The following RNF34 variants were observed in gnomAD, a reference collection of about 807,000 sequenced individuals.
The protein encoded by RNF34 is ring finger protein 34, also known as E3 ubiquitin-protein ligase RNF34.
Under a neutral mutation model 37.9 loss-of-function variants are expected in RNF34, and 12 were observed. The observed-to-expected ratio is 0.32, with a 90% CI of 0.20 to 0.51. The LOEUF is 0.51. Among genes scored for constraint, RNF34 ranks in the 20% least tolerant of loss-of-function variants. The pLI, the probability that RNF34 is intolerant of heterozygous loss-of-function variation, is 0.97. For missense variants in RNF34, 362 were observed against 472.7 expected, an observed-to-expected ratio of 0.77 and a Z score of 2.17; for synonymous variants, 155 against 177.2, an observed-to-expected ratio of 0.87 and a Z score of 1.00.
At chr12:121,422,163 C>T (rs1872228137) in intron 5 of RNF34, among the ~76,000 whole-genome samples, 1 of 152,216 alleles carries the variant, frequency 6.6e-6, no homozygotes, top group African/African-American at 2.4e-5. Context: ...TAGGATATAA[C>T]ATGGTTGTTA....
chr12:121,408,266 C>A (rs1870738754), intron 1 of RNF34, among the ~76,000 whole-genome samples: 1 of 152,022 alleles, frequency 6.6e-6, no homozygotes, highest in South Asian at 2.1e-4. Context: ...CATGGTGAAA[C>A]CCCGTCTCTA....
chr12:121,423,289 G>A lies in RNF34; in HGVS notation c.929-97G>A. 2 of 890,762 alleles carry A rather than the reference G, an allele frequency of 2.2e-6. No homozygotes were observed. The highest frequency in any genetic ancestry group is 3.4e-6 in the Non-Finnish European group (2 of 581,134). The allele number at this position is 890,762 out of a possible 1,614,324, so 55.2% of individuals were successfully genotyped here. A position where few individuals can be genotyped will look rare whatever the true frequency, so the allele number is the denominator to read the frequency against. On this transcript the variant is annotated intron_variant, in intron 5 of 5. Transcript: ENST00000361234. The surrounding 1 kb of genome is among the most constrained non-coding windows in gnomAD (Gnocchi z 4.3). ...CTGGGGTGGCATTGGGCCTGCAGGGGTCATTCAGCAGGTGGCTGCTCAGCT... is the reference window on the plus strand; with the variant it reads ...CTGGGGTGGCATTGGGCCTGCAGGGATCATTCAGCAGGTGGCTGCTCAGCT...
In RNF34 at chr12:121,417,752, C is replaced by T; in HGVS notation, c.474C>T (p.Asp158=). The T allele has an allele frequency of 1.2e-6, 2 of 1,614,128 alleles. No individual in the cohort carries two copies. The highest frequency in any genetic ancestry group is 4.5e-5 in the East Asian group (2 of 44,880). Reference sequence around the variant, plus strand: ...ATCATGGACTAGGCTCTGAGGACGACATGGACACAAGCAGTCTGAATTCTT... The same window carrying T: ...ATCATGGACTAGGCTCTGAGGACGATATGGACACAAGCAGTCTGAATTCTT... ...LCHHGLGSED[D]MDTSSLNSSR... is the part of the protein sequence containing the mutation. The change falls in exon 3 of 6, where the codon GAC becomes GAT. Residue 158 remains aspartate, a synonymous_variant. Transcript: ENST00000361234. This position sits in a 1 kb window ranked among gnomAD's most constrained non-coding sequence, Gnocchi z 5.0.
rs781865188 is a variant in RNF34, at chr12:121,417,581, T to C, written c.303T>C (p.Thr101=). Residue 101 remains threonine (T), a synonymous_variant, in exon 3 of 6, where the codon ACT becomes ACC. Coordinates refer to ENST00000361234, the MANE Select transcript of RNF34 (RefSeq NM_025126.4). This position sits in a 1 kb window ranked among gnomAD's most constrained non-coding sequence, Gnocchi z 5.0. ...AAGAAAATCTCCGTAGATGTTCTAC[T>C]TGTCACTTATTACAAGAGACAGCAT... ...VLQENLRRCS[T]CHLLQETAFQ... 6.2e-7 allele frequency: 1 copy of C among 1,613,984 alleles called. No homozygotes were observed.
rs782452243 is a variant in RNF34, at chr12:121,416,368, T to G, written c.216T>G (p.Phe72Leu). The G allele has an allele frequency of 3.1e-6, 5 of 1,609,612 alleles. No homozygotes were observed. The South Asian group carries it at 5.5e-5, about 18-fold the overall frequency. ...CCTGTGGGCTTTCATTTTCAGTCTT[T>G]AGAAAGAAGGTGAGTTGGATGAAAT... is the stretch of plus-strand genomic sequence containing the variant. ...CKACGLSFSV[F>L]RKKHVCCDCK... is the part of the protein sequence containing the mutation. The change falls in exon 2 of 6, where the codon TTT (phenylalanine) becomes TTG (leucine). Residue 72 changes from phenylalanine (F) to leucine (L), a missense_variant. Coordinates refer to ENST00000361234, the MANE Select transcript of RNF34 (RefSeq NM_025126.4).
At chr12:121,402,799 A>G (rs782303635) in intron 1 of RNF34, 2 of 1,602,908 alleles carry the variant, frequency 1.2e-6, no homozygotes, top group Non-Finnish European at 1.7e-6. Flanking sequence ...AAACCCAAGC[A>G]TGAGGAAGGT....
intron 1 of RNF34, among the ~76,000 whole-genome samples, chr12:121,406,283 A>AGTT (rs79540358): frequency 1.1e-4 from 17 of 150,606 alleles, no homozygotes; most frequent in African/African-American, 2.9e-4. Context: ...GGAATGTGTA[A>AGTT]GTTGTTGTTG....
In RNF34 at chr12:121,420,630, C is replaced by G. The variant is rs1555283175; in HGVS notation, c.780C>G (p.Ser260Arg). The stretch of plus-strand genomic sequence containing the variant: ...GAGCTTCACTGTCTGACTTGTCAAG[C>G]CTTGATGATGTGGAAGGAATGAGCG... ...RVRASLSDLSSLDDVEGMSVR... is the reference protein window; with the variant it reads ...RVRASLSDLSRLDDVEGMSVR... The change falls in exon 5 of 6, where the codon AGC becomes AGG. Residue 260 changes from serine to arginine, a missense_variant. Ser to Arg is a moderately radical substitution (Grantham distance 110). Coordinates refer to ENST00000361234, the MANE Select transcript of RNF34 (RefSeq NM_025126.4). 1 of 1,614,104 alleles carries G rather than the reference C, an allele frequency of 6.2e-7. No individual in the cohort carries two copies. The highest frequency in any genetic ancestry group is 8.5e-7 in the Non-Finnish European group (1 of 1,180,024).
At chr12:121,414,137 GACAA>G (rs1208853724) in intron 1 of RNF34, among the ~76,000 whole-genome samples, 1 of 152,158 alleles carries the variant, frequency 6.6e-6, no homozygotes. Flanking sequence ...GAGCTTGCTG[GACAA>G]ACAGTCCAGC....
chr12:121,417,735 C>A lies in RNF34; in HGVS notation c.457C>A (p.Leu153Ile). ...GGATCTAGTACTGTGCCATCATGGA[C>A]TAGGCTCTGAGGACGACATGGACAC... ...LVDLVLCHHG[L>I]GSEDDMDTSS... Residue 153 changes from leucine to isoleucine, a missense_variant, in exon 3 of 6, where the codon CTA (leucine) becomes ATA (isoleucine). By Grantham distance (5) the Leu-to-Ile change is conservative. Transcript: ENST00000361234. This position sits in a 1 kb window ranked among gnomAD's most constrained non-coding sequence, Gnocchi z 5.0. The A allele has an allele frequency of 1.2e-6, 2 of 1,614,142 alleles. No individual in the cohort carries two copies. Among genetic ancestry groups the A allele is most frequent in the Non-Finnish European group, 1.7e-6 (2 of 1,180,034 alleles).
At chr12:121,404,019 C>CTT (rs1283817623) in intron 1 of RNF34, among the ~76,000 whole-genome samples, 12 of 141,710 alleles carry the variant, frequency 8.5e-5, no homozygotes, top group Admixed American at 6.4e-4. Context: ...TTTTCTGTTT[C>CTT]TTTTTTTTTT....
rs566276345 is a variant in RNF34, at chr12:121,405,983, C to T, written c.6+5765C>T. ...TAATTTTTTGTATTTTTAGTAGAGACGGGGTTTCACCATGTTAGCCAGGAT... is the reference window on the plus strand; with the variant it reads ...TAATTTTTTGTATTTTTAGTAGAGATGGGGTTTCACCATGTTAGCCAGGAT... On this transcript the variant is annotated intron_variant, in intron 1 of 5. Transcript: ENST00000361234. Among the ~76,000 whole-genome samples the T allele has an allele frequency of 3.2e-4, 48 of 151,604 alleles. 1 individual carries two copies. The highest frequency in any genetic ancestry group is 1.0e-3 in the African/African-American group (42 of 41,320).
In RNF34 at chr12:121,416,393, T is replaced by C. The variant is rs1871577088; in HGVS notation, c.225+16T>C. ...TAGAAAGAAGGTGAGTTGGATGAAA[T>C]GTTACATAACAACACACATGGGTCA... On this transcript the variant is annotated intron_variant, in intron 2 of 5. Coordinates refer to ENST00000361234, the MANE Select transcript of RNF34 (RefSeq NM_025126.4). 2 of 1,532,996 alleles carry C rather than the reference T, an allele frequency of 1.3e-6. No homozygotes were observed. Among genetic ancestry groups the C allele is most frequent in the South Asian group, 2.2e-5 (2 of 89,350 alleles). The allele number at this position is 1,532,996 out of a possible 1,614,324, so 95.0% of individuals were successfully genotyped here.
At chr12:121,401,051 TG>T (rs1869941810) in intron 1 of RNF34, among the ~76,000 whole-genome samples, 2 of 151,790 alleles carry the variant, frequency 1.3e-5, no homozygotes, top group Admixed American at 6.6e-5. Flanking sequence ...CAGACCTAGA[TG>T]GTTTCGTTAA....
intron 1 of RNF34, 39 bp from the exon 2 acceptor site, chr12:121,416,120 C>T: frequency 2.6e-6 from 4 of 1,556,138 alleles, no homozygotes; most frequent in Non-Finnish European, 3.5e-6. Flanking sequence ...GCCCAGATTC[C>T]ACTTAGCTTT....
In RNF34 at chr12:121,417,834, C is replaced by T. The variant is rs1555282512; in HGVS notation, c.556C>T (p.Pro186Ser). The change falls in exon 3 of 6, where the codon CCC becomes TCC. Residue 186 changes from proline (P) to serine (S), a missense_variant. Pro to Ser is a moderately conservative substitution (Grantham distance 74, BLOSUM62 -1). Transcript: ENST00000361234. The surrounding 1 kb of genome is among the most constrained non-coding windows in gnomAD (Gnocchi z 5.0). ...TRSFFSNYTA[P>S]SATMSSFQGE... ...TTCGTTTTTTTCAAACTATACAGCC[C>T]CCTCTGCTACTATGTCTTCGTTTCA... The T allele has an allele frequency of 6.2e-7, 1 of 1,614,112 alleles. No individual in the cohort carries two copies. Among genetic ancestry groups the T allele is most frequent in the Non-Finnish European group, 8.5e-7 (1 of 1,180,016 alleles).
At chr12:121,412,943 T>C (rs1369428638) in intron 1 of RNF34, among the ~76,000 whole-genome samples, 1 of 151,682 alleles carries the variant, frequency 6.6e-6, no homozygotes, top group African/African-American at 2.4e-5. Context: ...TCTCGAACTC[T>C]TGACCTCATG....
intron 1 of RNF34, among the ~76,000 whole-genome samples, chr12:121,401,602 T>TC (rs1294176439): frequency 3.3e-5 from 5 of 152,272 alleles, no homozygotes; most frequent in East Asian, 3.9e-4. Context: ...TGTGTTAAGA[T>TC]CCAAAAACAA....
chr12:121,406,866 G>T (rs1359745587), intron 1 of RNF34, among the ~76,000 whole-genome samples: 4 of 152,050 alleles, frequency 2.6e-5, no homozygotes, highest in African/African-American at 9.7e-5. Context: ...CTACATTCAT[G>T]GTCAAGAGAG....
Sources: allele counts gnomAD v4.1 joint callset (sites outside exome capture counted in the v4.1 genomes callset), GRCh38; gene constraint gnomAD v4.1.1; non-coding constraint Gnocchi (gnomAD v3.1); transcripts MANE v1.5; gene names NCBI Gene and HGNC (gene_info 2026-07-23, HGNC 2026-07-21).